PLEKHA2: variants seen among roughly 807,000 people sequenced by gnomAD.
PLEKHA2 encodes pleckstrin homology domain-containing family A member 2.
PLEKHA2 carries 28 observed loss-of-function variants against 53.2 expected under a neutral mutation model. The ratio of observed to expected loss-of-function variants is 0.53; its 90% CI spans 0.39 to 0.72. The LOEUF (loss-of-function observed/expected upper bound fraction) is 0.72, where lower values mean the gene tolerates loss of function less well. PLEKHA2 is among the 30% of genes least tolerant of loss of function. The pLI is 0.00. For missense variants in PLEKHA2, 426 were observed against 537.9 expected, an observed-to-expected ratio of 0.79 and a Z score of 2.06; for synonymous variants, 193 against 196.4, an observed-to-expected ratio of 0.98 and a Z score of 0.14.
At chr8:38,918,116 C>T (rs1357362578) in intron 2 of PLEKHA2, 46 bp downstream of exon 2, 3 of 1,589,698 alleles carry the variant, frequency 1.9e-6, no homozygotes, top group South Asian at 1.1e-5. Flanking sequence ...GTGCCCATCA[C>T]TGCGCCAGAG....
At chr8:38,904,994 G>C (rs1010563668) in intron 1 of PLEKHA2, among the ~76,000 whole-genome samples, 3 of 152,200 alleles carry the variant, frequency 2.0e-5, no homozygotes, top group African/African-American at 7.2e-5. Flanking sequence ...CCATTTTGCA[G>C]ATTAGGAAAT....
At chr8:38,911,332 G>T (rs945457413) in intron 1 of PLEKHA2, among the ~76,000 whole-genome samples, 1 of 151,966 alleles carries the variant, frequency 6.6e-6, no homozygotes, top group Non-Finnish European at 1.5e-5. Flanking sequence ...CGCCTCCCAG[G>T]TTCAAGCAAT....
intron 2 of PLEKHA2, among the ~76,000 whole-genome samples, chr8:38,926,408 G>A (rs1834290119): frequency 6.8e-6 from 1 of 147,770 alleles, no homozygotes; most frequent in Non-Finnish European, 1.5e-5. Context: ...TAGAGACAGG[G>A]TTCTTACTCC....
chr8:38,945,606 A>C (rs1447335694), intron 4 of PLEKHA2, among the ~76,000 whole-genome samples: 1 of 152,154 alleles, frequency 6.6e-6, no homozygotes, highest in Non-Finnish European at 1.5e-5. Context: ...TTGTTGACCT[A>C]ATGGAATGCT....
intron 2 of PLEKHA2, among the ~76,000 whole-genome samples, chr8:38,932,735 A>G (rs1204906729): frequency 6.6e-6 from 1 of 152,126 alleles, no homozygotes; most frequent in Non-Finnish European, 1.5e-5. Flanking sequence ...ATCAAGCCTC[A>G]AGGATCCTGG....
intron 1 of PLEKHA2, chr8:38,901,996 C>G (rs1436676368): frequency 6.6e-6 from 1 of 152,298 alleles, no homozygotes; most frequent in Non-Finnish European, 1.5e-5. Context: ...GACTCCTGTC[C>G]TTTCCTCTGG....
intron 5 of PLEKHA2, among the ~76,000 whole-genome samples, chr8:38,949,214 G>A (rs62504406): frequency 6.6e-6 from 1 of 151,602 alleles, no homozygotes; most frequent in African/African-American, 2.4e-5. Flanking sequence ...TGACTCAACT[G>A]TTCTGGACCT....
At chr8:38,937,463 T>C (rs997709946) in intron 3 of PLEKHA2, among the ~76,000 whole-genome samples, 2 of 152,058 alleles carry the variant, frequency 1.3e-5, no homozygotes, top group Non-Finnish European at 2.9e-5. Context: ...AAAGGAAAAC[T>C]GAAACCCTCT....
intron 10 of PLEKHA2, among the ~76,000 whole-genome samples, chr8:38,957,918 A>G (rs546118039): frequency 7.5e-4 from 114 of 152,316 alleles, no homozygotes; most frequent in African/African-American, 2.5e-3. Context: ...AGAAAGGCAG[A>G]TTTCCAAGCA....
chr8:38,930,419 G>A (rs978158965), intron 2 of PLEKHA2, among the ~76,000 whole-genome samples: 51 of 152,088 alleles, frequency 3.4e-4, no homozygotes, highest in African/African-American at 1.2e-3. Context: ...GGCCAGGCTG[G>A]TCTTGAATTC....
intron 2 of PLEKHA2, among the ~76,000 whole-genome samples, chr8:38,933,399 A>C (rs1834429873): frequency 6.6e-6 from 1 of 152,216 alleles, no homozygotes; most frequent in Non-Finnish European, 1.5e-5. Context: ...GAATTCCAAC[A>C]GCTCAAGCTT....
At chr8:38,912,420 G>C (rs1420504184) in intron 1 of PLEKHA2, among the ~76,000 whole-genome samples, 1 of 152,206 alleles carries the variant, frequency 6.6e-6, no homozygotes, top group Non-Finnish European at 1.5e-5. Context: ...GGGGGTGATA[G>C]CATATATATG....
At chr8:38,941,183 A>C (rs971083880) in intron 3 of PLEKHA2, among the ~76,000 whole-genome samples, 3 of 151,874 alleles carry the variant, frequency 2.0e-5, no homozygotes, top group African/African-American at 7.3e-5. Context: ...CGGCCTCCCA[A>C]GTAGCTGGGA....
Position 38,952,633 on chromosome 8 carries a change from C to T in PLEKHA2, c.634-3C>T, listed in dbSNP as rs760553172. ...TGGTCTGCCTTTTATTTTTTTATTA[C>T]AGCGGAAGAGCTGGAAACGTCGCTT... On this transcript the variant is annotated splice_region_variant and splice_polypyrimidine_tract_variant and intron_variant, in intron 7 of 11. Transcript: ENST00000617275. 8 of 1,606,904 alleles carry T rather than the reference C, an allele frequency of 5.0e-6. No individual in the cohort carries two copies. Among genetic ancestry groups the T allele is most frequent in the Non-Finnish European group, 5.1e-6 (6 of 1,179,536 alleles).
chr8:38,940,639 G>T (rs1401258942), intron 3 of PLEKHA2, among the ~76,000 whole-genome samples: 1 of 88,836 alleles, frequency 1.1e-5, no homozygotes, highest in Non-Finnish European at 2.3e-5. Flanking sequence ...CCGTGGTCCA[G>T]ATTGAAGGGG....
intron 10 of PLEKHA2, 44 bp from the exon 11 acceptor site, chr8:38,968,548 A>C (rs764757143): frequency 2.5e-6 from 4 of 1,588,986 alleles, no homozygotes; most frequent in South Asian, 1.1e-5. Flanking sequence ...AGCTGAAATC[A>C]TAGTGCCTAA....
In PLEKHA2 at chr8:38,946,130, A is replaced by G. The variant is rs752150198; in HGVS notation, c.254A>G (p.Asn85Ser). The G allele has an allele frequency of 1.8e-5, 29 of 1,604,624 alleles. No individual in the cohort carries two copies. The highest frequency in any genetic ancestry group is 9.0e-5 in the South Asian group (8 of 89,140). Residue 85 changes from asparagine (N) to serine (S), a missense_variant, in exon 5 of 12, where the codon AAT becomes AGT. Physicochemically the swap from Asn to Ser is conservative, Grantham distance 46. Coordinates refer to ENST00000617275, the MANE Select transcript of PLEKHA2 (RefSeq NM_021623.2). ...KPKTPFCFVI[N>S]ALSQRYFLQA... ...TTTTCTGTGGCTTTTGTAGTTATCA[A>G]TGCCCTGTCTCAGAGATATTTCCTT...
intron 9 of PLEKHA2, among the ~76,000 whole-genome samples, chr8:38,955,542 G>C (rs566153558): frequency 8.5e-5 from 13 of 152,218 alleles, no homozygotes; most frequent in African/African-American, 3.1e-4. Flanking sequence ...GGTCACAAAG[G>C]CTCCCCAAGT....
intron 2 of PLEKHA2, among the ~76,000 whole-genome samples, chr8:38,932,481 A>AG (rs1479398089): frequency 6.6e-6 from 1 of 152,080 alleles, no homozygotes; most frequent in Non-Finnish European, 1.5e-5. Context: ...GCCAGGGAAG[A>AG]GGGGGGACAG....
Sources: gnomAD v4.1 joint callset for allele counts (sites outside exome capture counted in the v4.1 genomes callset) on GRCh38, gnomAD v4.1.1 for gene constraint, MANE v1.5 for transcripts, NCBI Gene and HGNC (gene_info 2026-07-23, HGNC 2026-07-21) for gene names.